PRXL2B: variants seen among roughly 807,000 people sequenced by gnomAD.
PRXL2B encodes the protein peroxiredoxin like 2B.
Under a neutral mutation model 24.4 loss-of-function variants are expected in PRXL2B, and 26 were observed. The observed-to-expected ratio is 1.07, with a 90% CI of 0.78 to 1.48. The LOEUF (loss-of-function observed/expected upper bound fraction) is 1.48, where lower values mean the gene tolerates loss of function less well. Among genes scored for constraint, PRXL2B ranks in the 40% most tolerant of loss-of-function variants. The pLI is 0.00. For synonymous variants in PRXL2B, 115 were observed against 118.9 expected (o/e 0.97, Z 0.21); for missense variants, 269 against 264.8 (o/e 1.02, Z -0.11).
At position 2,589,685 on chromosome 1, in the gene PRXL2B, C is replaced by T; in HGVS notation, c.*258C>T. ...GGGCGGGCAGGGTGGCTGTGAGTCCCAGGTGTCATCTTCCTGCTCTGCGAC... is the reference window on the plus strand; with the variant it reads ...GGGCGGGCAGGGTGGCTGTGAGTCCTAGGTGTCATCTTCCTGCTCTGCGAC... On this transcript the variant is annotated 3_prime_UTR_variant, in exon 7 of 7. Coordinates refer to ENST00000419916, the MANE Select transcript of PRXL2B (RefSeq NM_152371.5). The T allele has an allele frequency of 1.7e-6, 1 of 578,256 alleles. No homozygotes were observed. The highest frequency in any genetic ancestry group is 3.1e-6 in the Non-Finnish European group (1 of 325,036). 35.8% of individuals were successfully genotyped at this position (578,256 alleles called of 1,614,324 possible).
chr1:2,587,438 C>T lies in PRXL2B; in HGVS notation c.268+143C>T. 9.9e-7 allele frequency: 1 copy of T among 1,010,700 alleles called. No individual in the cohort carries two copies. Among genetic ancestry groups the T allele is most frequent in the Admixed American group, 2.5e-5 (1 of 40,568 alleles). The allele number at this position is 1,010,700 out of a possible 1,614,324, so 62.6% of individuals were successfully genotyped here. The stretch of plus-strand genomic sequence containing the variant: ...ACGGGTCAGCGTCCCTCATCTCTCC[C>T]TGCCTCCCCGCCCCGCAGCTGGTGG... On this transcript the variant is annotated intron_variant, in intron 2 of 6. Coordinates refer to ENST00000419916, the MANE Select transcript of PRXL2B (RefSeq NM_152371.5). The surrounding 1 kb of genome is among the most constrained non-coding windows in gnomAD (Gnocchi z 6.1).
intron 1 of PRXL2B, 25 bp downstream of exon 1, chr1:2,586,973 G>T: frequency 1.5e-6 from 2 of 1,317,594 alleles, no homozygotes; most frequent in Non-Finnish European, 1.9e-6. Flanking sequence ...ACGCAGGGCG[G>T]TGGGCGCGTC....
chr1:2,587,163 G>A lies in PRXL2B; in HGVS notation c.136G>A (p.Val46Met). 6.4e-7 allele frequency: 1 copy of A among 1,552,172 alleles called. No individual in the cohort carries two copies. The highest frequency in any genetic ancestry group is 8.7e-7 in the Non-Finnish European group (1 of 1,156,040). ...VAGLRRFGCVVCRWIAQDLSS... is the reference protein window; with the variant it reads ...VAGLRRFGCVMCRWIAQDLSS... The stretch of plus-strand genomic sequence containing the variant: ...CGGGCTGCGGCGCTTCGGGTGCGTG[G>A]TGTGCCGCTGGATCGCCCAGGACCT... Residue 46 changes from valine (V) to methionine (M), a missense_variant, in exon 2 of 7, where the codon GTG (valine) becomes ATG (methionine). Transcript: ENST00000419916. This position sits in a 1 kb window ranked among gnomAD's most constrained non-coding sequence, Gnocchi z 6.1.
chr1:2,591,336 T>G lies in PRXL2B; in HGVS notation c.*1909T>G. The G allele has an allele frequency of 1.7e-6, 1 of 600,128 alleles. No individual in the cohort carries two copies. The highest frequency in any genetic ancestry group is 3.0e-6 in the Non-Finnish European group (1 of 338,234). 37.2% of individuals were successfully genotyped at this position (600,128 alleles called of 1,614,324 possible). The stretch of plus-strand genomic sequence containing the variant: ...AAAACTCTCCTTCACACAGAAACAT[T>G]CGCAGCCTGCGGTAGGCTCCCCCTT... On this transcript the variant is annotated 3_prime_UTR_variant, in exon 7 of 7. Coordinates refer to ENST00000419916, the MANE Select transcript of PRXL2B (RefSeq NM_152371.5).
At chr1:2,586,704 C>CGGGGCGGAGACGAGCCCGAA, upstream of PRXL2B, 2 of 1,197,302 alleles carry the variant, frequency 1.7e-6, 1 homozygote, top group Non-Finnish European at 2.0e-6. Context: ...GGGGCGGGCC[C>CGGGGCGGAGACGAGCCCGAA]GGGGCGGAGA....
In PRXL2B at chr1:2,589,510, T is replaced by C. The variant is rs1430192615; in HGVS notation, c.*83T>C. The C allele has an allele frequency of 6.2e-7, 1 of 1,602,808 alleles. No individual in the cohort carries two copies. The highest frequency in any genetic ancestry group is 1.3e-5 in the African/African-American group (1 of 74,578). On this transcript the variant is annotated 3_prime_UTR_variant, in exon 7 of 7. Coordinates refer to ENST00000419916, the MANE Select transcript of PRXL2B (RefSeq NM_152371.5). The stretch of plus-strand genomic sequence containing the variant: ...CTGGAAGTCCACTTGGAAGAACTGT[T>C]CCGGAGGCGCTGGGTCGGGATGCCG...
In PRXL2B at chr1:2,589,395, C is replaced by T. The variant is rs762843452; in HGVS notation, c.580-15C>T. The T allele has an allele frequency of 3.1e-6, 5 of 1,613,252 alleles. No homozygotes were observed. In the East Asian group the frequency reaches 8.9e-5, roughly 29 times the overall value. ...CAGTGTCCAGCGGCCCCATGGGACC[C>T]TGCTGTCCCCACAGTGTGACAGAGA... is the stretch of plus-strand genomic sequence containing the variant. On this transcript the variant is annotated splice_polypyrimidine_tract_variant and intron_variant, in intron 6 of 6. Transcript: ENST00000419916.
chr1:2,590,780 G>C lies in PRXL2B; in HGVS notation c.*1353G>C. ...TGAGCCCCGCGGGTGTCTGTGGAGG[G>C]GGCTCCGGTCCAGGTACTGCACTGG... On this transcript the variant is annotated 3_prime_UTR_variant, in exon 7 of 7. Transcript: ENST00000419916. The C allele has an allele frequency of 2.4e-6, 1 of 408,982 alleles. No homozygotes were observed. The highest frequency in any genetic ancestry group is 4.3e-6 in the Non-Finnish European group (1 of 232,120). The allele number at this position is 408,982 out of a possible 1,614,324, so 25.3% of individuals were successfully genotyped here.
intron 3 of PRXL2B, 84 bp from the exon 4 acceptor site, chr1:2,588,306 T>C: frequency 6.3e-7 from 1 of 1,594,072 alleles, no homozygotes; most frequent in Non-Finnish European, 8.6e-7. Context: ...GGGCCTGACC[T>C]AGGAACTGGT....
rs566787868 is a variant in PRXL2B at position 2,590,901 on chromosome 1, C to T, written c.*1474C>T. 16 of 1,073,506 alleles carry T rather than the reference C, an allele frequency of 1.5e-5. No individual in the cohort carries two copies. The East Asian group carries it at 1.9e-4, about 13-fold the overall frequency. The allele number at this position is 1,073,506 out of a possible 1,614,324, so 66.5% of individuals were successfully genotyped here. A position where few individuals can be genotyped will look rare whatever the true frequency, so the allele number is the denominator to read the frequency against. On this transcript the variant is annotated 3_prime_UTR_variant, in exon 7 of 7. Coordinates refer to ENST00000419916, the MANE Select transcript of PRXL2B (RefSeq NM_152371.5). Reference sequence around the variant, plus strand: ...CTTGGCATGGTTGGCCGGGGCGGGACGTACACTGGGTCGCCGCTAGCTGCA... The same window carrying T: ...CTTGGCATGGTTGGCCGGGGCGGGATGTACACTGGGTCGCCGCTAGCTGCA...
chr1:2,586,806 A>G lies in PRXL2B; in HGVS notation c.-80A>G. 7.9e-7 allele frequency: 1 copy of G among 1,260,056 alleles called. No homozygotes were observed. Among genetic ancestry groups the G allele is most frequent in the Middle Eastern group, 3.0e-4 (1 of 3,316 alleles). 78.1% of individuals were successfully genotyped at this position (1,260,056 alleles called of 1,614,324 possible). A position where few individuals can be genotyped will look rare whatever the true frequency, so the allele number is the denominator to read the frequency against. On this transcript the variant is annotated 5_prime_UTR_variant, in exon 1 of 7. Coordinates refer to ENST00000419916, the MANE Select transcript of PRXL2B (RefSeq NM_152371.5). Reference sequence around the variant, plus strand: ...CTTGGGGCTGGATCTATGAGCCGGGAGCGGGGATCCAGGAGCGAGGAGCCG... The same window carrying G: ...CTTGGGGCTGGATCTATGAGCCGGGGGCGGGGATCCAGGAGCGAGGAGCCG...
rs762445224 is a variant in PRXL2B, at chr1:2,587,778, G to A, written c.306G>A (p.Glu102=). 2.5e-6 allele frequency: 4 copies of A among 1,604,166 alleles called. No homozygotes were observed. The highest frequency in any genetic ancestry group is 1.1e-5 in the South Asian group (1 of 89,186). The change falls in exon 3 of 7, where the codon GAG becomes GAA. Residue 102 remains glutamate (E), a synonymous_variant. Coordinates refer to ENST00000419916, the MANE Select transcript of PRXL2B (RefSeq NM_152371.5). The surrounding 1 kb of genome is among the most constrained non-coding windows in gnomAD (Gnocchi z 6.1). ...ATGAGAGCAAGCAGCTTTACAAGGA[G>A]CTAGGCTTCAAGCGGTGAGTGGGGG... ...YLDESKQLYK[E]LGFKRYNSLS... is the part of the protein sequence containing the mutation.
chr1:2,589,129 GC>G, intron 6 of PRXL2B, 89 bp downstream of exon 6: 1 of 1,300,718 alleles, frequency 7.7e-7, no homozygotes, highest in Non-Finnish European at 1.1e-6. Context: ...TGGGAGCTGA[GC>G]CACAGCGCTG....
At position 2,590,722 on chromosome 1, in the gene PRXL2B, T is replaced by A. The variant is rs1644668276; in HGVS notation, c.*1295T>A. ...ACCTTGGAGGGTGGGCAGGACACAG[T>A]TGATTGTCTCTACAGAGCTGTGACG... On this transcript the variant is annotated 3_prime_UTR_variant, in exon 7 of 7. Coordinates refer to ENST00000419916, the MANE Select transcript of PRXL2B (RefSeq NM_152371.5). 5.2e-6 allele frequency: 2 copies of A among 386,252 alleles called. No individual in the cohort carries two copies. Among genetic ancestry groups the A allele is most frequent in the Non-Finnish European group, 9.2e-6 (2 of 218,124 alleles). 23.9% of individuals were successfully genotyped at this position (386,252 alleles called of 1,614,324 possible).
chr1:2,591,432 G>A lies in PRXL2B; in HGVS notation c.*2005G>A. ...CGAAATCGGCCAGAAGCCCCTCTCA[G>A]GTTTATTCCCAAAATAAACCTGTCT... On this transcript the variant is annotated 3_prime_UTR_variant, in exon 7 of 7. Coordinates refer to ENST00000419916, the MANE Select transcript of PRXL2B (RefSeq NM_152371.5). The A allele has an allele frequency of 1.3e-6, 1 of 799,086 alleles. No homozygotes were observed. 49.5% of individuals were successfully genotyped at this position (799,086 alleles called of 1,614,324 possible). A position where few individuals can be genotyped will look rare whatever the true frequency, so the allele number is the denominator to read the frequency against.
At position 2,590,765 on chromosome 1, in the gene PRXL2B, G is replaced by T. The variant is rs881640; in HGVS notation, c.*1338G>T. ...CTGTGACGGGGGCACTGAGCCCCGC[G>T]GGTGTCTGTGGAGGGGGCTCCGGTC... is the stretch of plus-strand genomic sequence containing the variant. On this transcript the variant is annotated 3_prime_UTR_variant, in exon 7 of 7. Coordinates refer to ENST00000419916, the MANE Select transcript of PRXL2B (RefSeq NM_152371.5). 0.15 allele frequency: 60,045 copies of T among 403,928 alleles called. 5,051 individuals are homozygous for T. Among genetic ancestry groups the T allele is most frequent in the South Asian group, 0.21 (1,961 of 9,386 alleles). The allele number at this position is 403,928 out of a possible 1,614,324, so 25.0% of individuals were successfully genotyped here.
intron 6 of PRXL2B, 41 bp downstream of exon 6, chr1:2,589,081 C>T (rs1351392842): frequency 1.3e-6 from 2 of 1,583,514 alleles, no homozygotes; most frequent in South Asian, 1.1e-5. Context: ...AGCCCACGCC[C>T]TGCCCCTAGG....
chr1:2,587,939 C>A lies in PRXL2B; in HGVS notation c.320+147C>A. The A allele has an allele frequency of 1.1e-6, 1 of 875,556 alleles. No homozygotes were observed. The highest frequency in any genetic ancestry group is 1.7e-6 in the Non-Finnish European group (1 of 579,290). The allele number at this position is 875,556 out of a possible 1,614,324, so 54.2% of individuals were successfully genotyped here. ...AAGGCGGCTCTGGTGGCACTGTTGA[C>A]CAGCCCTTCTGCCAGGCCTTCTCTT... On this transcript the variant is annotated intron_variant, in intron 3 of 6. Coordinates refer to ENST00000419916, the MANE Select transcript of PRXL2B (RefSeq NM_152371.5). The surrounding 1 kb of genome is among the most constrained non-coding windows in gnomAD (Gnocchi z 6.1).
Position 2,590,551 on chromosome 1 carries a change from C to G in PRXL2B, c.*1124C>G, listed in dbSNP as rs184564436. 31 of 156,446 alleles carry G rather than the reference C, an allele frequency of 2.0e-4. No individual in the cohort carries two copies. Among genetic ancestry groups the G allele is most frequent in the Non-Finnish European group, 2.8e-4 (20 of 71,928 alleles). 9.7% of individuals were successfully genotyped at this position (156,446 alleles called of 1,614,324 possible). ...TCCCCATCAGCTCCCAGCTGTCACT[C>G]TCTCCCACCCCCGGGCAGCTGTTTT... On this transcript the variant is annotated 3_prime_UTR_variant, in exon 7 of 7. Coordinates refer to ENST00000419916, the MANE Select transcript of PRXL2B (RefSeq NM_152371.5).
Sources: allele counts gnomAD v4.1 joint callset, GRCh38; gene constraint gnomAD v4.1.1; non-coding constraint Gnocchi (gnomAD v3.1); transcripts MANE v1.5; gene names NCBI Gene and HGNC (gene_info 2026-07-23, HGNC 2026-07-21).